Variants in CCDC62 observed in about 807,000 individuals in gnomAD.
CCDC62 encodes the protein coiled-coil domain-containing protein 62.
Under a neutral mutation model 80.8 loss-of-function variants are expected in CCDC62, and 72 were observed. The ratio of observed to expected loss-of-function variants is 0.89; its 90% CI spans 0.74 to 1.08. The LOEUF (loss-of-function observed/expected upper bound fraction) is 1.08. Among genes scored for constraint, CCDC62 ranks in the 50% least tolerant of loss-of-function variants. The pLI, the probability that CCDC62 is intolerant of heterozygous loss-of-function variation, is 0.00. For synonymous variants in CCDC62, 286 were observed against 296.5 expected, an observed-to-expected ratio of 0.96 and a Z score of 0.36; for missense variants, 704 against 809.4, an observed-to-expected ratio of 0.87 and a Z score of 1.58.
At chr12:122,781,435 C>G (rs1050880688) in intron 3 of CCDC62, 105 bp downstream of exon 3, 30 of 1,102,552 alleles carry the variant, frequency 2.7e-5, no homozygotes, top group South Asian at 5.3e-5. Flanking sequence ...CCTGTAATGC[C>G]AACACTTTGG....
intron 12 of CCDC62, among the ~76,000 whole-genome samples, chr12:122,825,984 A>C (rs1292142357): frequency 1.1e-4 from 10 of 92,664 alleles, no homozygotes; most frequent in Admixed American, 4.4e-4. Flanking sequence ...CAAGAACGAA[A>C]CTCCGTCTCA....
chr12:122,786,349 C>T (rs1388967334), intron 4 of CCDC62, among the ~76,000 whole-genome samples: 2 of 151,902 alleles, frequency 1.3e-5, no homozygotes, highest in Non-Finnish European at 2.9e-5. Flanking sequence ...GGGGTTTCAC[C>T]GTGTTAGCCA....
chr12:122,798,544 AG>A (rs1343598532), intron 8 of CCDC62, among the ~76,000 whole-genome samples: 1 of 152,162 alleles, frequency 6.6e-6, no homozygotes, highest in Admixed American at 6.6e-5. Flanking sequence ...TGGAGGTTGC[AG>A]TGAGCCGAGA....
chr12:122,776,831 T>C (rs1879485599), intron 1 of CCDC62: 1 of 152,266 alleles, frequency 6.6e-6, no homozygotes, highest in Non-Finnish European at 1.5e-5. Context: ...GTTTTGCTCT[T>C]GTTGCCCAGG....
intron 11 of CCDC62, among the ~76,000 whole-genome samples, chr12:122,814,205 C>A (rs1216784919): frequency 1.3e-5 from 2 of 148,672 alleles, no homozygotes; most frequent in Non-Finnish European, 3.0e-5. Context: ...TGCTTGAACC[C>A]CGGAGGTGGA....
chr12:122,814,504 ATT>A (rs71440218), intron 11 of CCDC62, among the ~76,000 whole-genome samples: 2,833 of 125,078 alleles, frequency 0.023, 73 homozygotes, highest in African/African-American at 0.078. Flanking sequence ...TGGACTTTTA[ATT>A]TTTTTTTTTT....
At chr12:122,821,981 C>A (rs373527183) in intron 11 of CCDC62, among the ~76,000 whole-genome samples, 66 of 150,520 alleles carry the variant, frequency 4.4e-4, no homozygotes, top group African/African-American at 1.4e-3. Flanking sequence ...GTAATCCTAG[C>A]CCTTTGGGAG....
chr12:122,788,118 CTTAATAACAG>C (rs1172357413), intron 4 of CCDC62, among the ~76,000 whole-genome samples: 2 of 152,126 alleles, frequency 1.3e-5, no homozygotes, highest in Non-Finnish European at 2.9e-5. Flanking sequence ...GGTAAAACCT[CTTAATAACAG>C]TTATTCCAGG....
chr12:122,814,855 CT>C (rs1016981677), intron 11 of CCDC62, among the ~76,000 whole-genome samples: 1 of 149,640 alleles, frequency 6.7e-6, no homozygotes, highest in Non-Finnish European at 1.5e-5. Context: ...GCATCTTCCT[CT>C]GTTGCCCAGG....
chr12:122,795,091 C>G (rs981875916), intron 6 of CCDC62, among the ~76,000 whole-genome samples: 2 of 151,994 alleles, frequency 1.3e-5, no homozygotes, highest in African/African-American at 4.8e-5. Context: ...TGGTCTGTCG[C>G]CTAGGCTGGA....
chr12:122,791,174 CTT>C (rs2030575703), intron 5 of CCDC62, among the ~76,000 whole-genome samples: 3 of 152,080 alleles, frequency 2.0e-5, no homozygotes, highest in Non-Finnish European at 4.4e-5. Context: ...GAATTTCACT[CTT>C]GTCGCCCAGG....
intron 6 of CCDC62, among the ~76,000 whole-genome samples, chr12:122,796,107 T>C (rs2030938830): frequency 6.6e-6 from 1 of 152,190 alleles, no homozygotes; most frequent in African/African-American, 2.4e-5. Context: ...TTGCCTCTTA[T>C]GCAAAAGTAG....
At chr12:122,812,288 C>G (rs2031925509) in intron 10 of CCDC62, among the ~76,000 whole-genome samples, 1 of 151,328 alleles carries the variant, frequency 6.6e-6, no homozygotes, top group Non-Finnish European at 1.5e-5. Flanking sequence ...ACTAAAAATA[C>G]AAAATTAGCC....
chr12:122,800,251 C>G (rs763576790), intron 8 of CCDC62, among the ~76,000 whole-genome samples: 2 of 140,264 alleles, frequency 1.4e-5, no homozygotes, highest in Non-Finnish European at 3.0e-5. Flanking sequence ...TTCATTGCCT[C>G]TAGGAGGTAC....
chr12:122,777,180 T>G, intron 1 of CCDC62: 1 of 235,062 alleles, frequency 4.3e-6, no homozygotes, highest in Non-Finnish European at 8.4e-6. Flanking sequence ...GAGAAAAGGG[T>G]TGTTGGCAAA....
Position 122,801,336 on chromosome 12 carries a change from C to A in CCDC62, c.1190C>A (p.Ser397Tyr). The A allele has an allele frequency of 1.2e-6, 2 of 1,614,062 alleles. No homozygotes were observed. Among genetic ancestry groups the A allele is most frequent in the African/African-American group, 1.3e-5 (1 of 75,034 alleles). ...FGEKSVITLS[S>Y]IFTKDLVEKH... is the part of the protein sequence containing the mutation. ...GAGAAAAGTGTAATTACGCTGTCAT[C>A]CATATTCACCAAAGACTTAGTAGAG... Residue 397 changes from serine to tyrosine, a missense_variant, in exon 9 of 13, where the codon TCC becomes TAC. By Grantham distance (144) the Ser-to-Tyr change is moderately radical (BLOSUM62 -2). Coordinates refer to ENST00000253079, the MANE Select transcript of CCDC62 (RefSeq NM_201435.5).
intron 11 of CCDC62, among the ~76,000 whole-genome samples, chr12:122,821,151 A>G (rs2032389930): frequency 6.6e-6 from 1 of 152,088 alleles, no homozygotes; most frequent in African/African-American, 2.4e-5. Flanking sequence ...AAGAAGGCTA[A>G]CGAGGCACTT....
In CCDC62 at chr12:122,798,155, A is replaced by G; in HGVS notation, c.932A>G (p.Gln311Arg). ...FNVENSQELI[Q>R]MYDSKMEESK... is the part of the protein sequence containing the mutation. ...GTGGAAAATTCTCAGGAATTAATAC[A>G]GATGTATGACTCAAAGATGGAGGAA... is the stretch of plus-strand genomic sequence containing the variant. The change falls in exon 8 of 13, where the codon CAG becomes CGG. Residue 311 changes from glutamine to arginine, a missense_variant. Gln to Arg is a conservative substitution (Grantham distance 43). Transcript: ENST00000253079. The G allele has an allele frequency of 6.3e-7, 1 of 1,595,894 alleles. No homozygotes were observed. The highest frequency in any genetic ancestry group is 1.1e-5 in the South Asian group (1 of 90,518).
At chr12:122,810,312 C>A (rs2031814748) in intron 10 of CCDC62, among the ~76,000 whole-genome samples, 1 of 152,056 alleles carries the variant, frequency 6.6e-6, no homozygotes, top group African/African-American at 2.4e-5. Flanking sequence ...TGAACTCCAA[C>A]AAATTTACAA....
Sources: gnomAD v4.1 joint callset for allele counts (sites outside exome capture counted in the v4.1 genomes callset) on GRCh38, gnomAD v4.1.1 for gene constraint, MANE v1.5 for transcripts, NCBI Gene and HGNC (gene_info 2026-07-23, HGNC 2026-07-21) for gene names.